Variants in ARID1B observed in about 807,000 individuals in gnomAD.
The protein encoded by ARID1B is AT-rich interactive domain-containing protein 1B.
ARID1B carries 30 observed loss-of-function variants against 212.3 expected under a neutral mutation model. The ratio of observed to expected loss-of-function variants is 0.14; its 90% CI spans 0.11 to 0.19. The LOEUF is 0.19. Ranked by LOEUF, ARID1B falls within the 10% of genes least tolerant of loss-of-function variation. The pLI is 1.00. For missense variants in ARID1B, 2,891 were observed against 3,204.0 expected (o/e 0.90, Z 2.36); for synonymous variants, 1,402 against 1,301.7 (o/e 1.08, Z -1.66).
chr6:157,093,911 G>A (rs749466635), intron 5 of ARID1B, among the ~76,000 whole-genome samples: 11 of 152,208 alleles, frequency 7.2e-5, no homozygotes, highest in South Asian at 2.1e-4. Flanking sequence ...TGCTGCAGGC[G>A]TAGTAAGTGG....
chr6:157,151,072 A>C (rs1790163939), intron 8 of ARID1B: 1 of 155,294 alleles, frequency 6.4e-6, no homozygotes, highest in Non-Finnish European at 1.4e-5. Flanking sequence ...GTTCGGTGGA[A>C]ACCCGCATGC....
At chr6:156,859,259 G>C (rs2128124668) in intron 2 of ARID1B, among the ~76,000 whole-genome samples, 1 of 152,192 alleles carries the variant, frequency 6.6e-6, no homozygotes, top group South Asian at 2.1e-4. Context: ...GGCTACAGGT[G>C]CCCGCCACCA....
chr6:157,028,183 A>G (rs929426404), intron 4 of ARID1B, among the ~76,000 whole-genome samples: 4 of 152,182 alleles, frequency 2.6e-5, no homozygotes, highest in South Asian at 4.1e-4. Context: ...ATGACTAAAC[A>G]TTATCTCACT....
At chr6:157,119,486 C>A (rs1181610300) in intron 6 of ARID1B, 1 of 152,838 alleles carries the variant, frequency 6.5e-6, no homozygotes, top group African/African-American at 2.4e-5. Context: ...CTCTTGGGAT[C>A]TTTATATAAA....
intron 8 of ARID1B, among the ~76,000 whole-genome samples, chr6:157,154,031 A>G (rs1309800202): frequency 2.6e-5 from 4 of 152,214 alleles, no homozygotes; most frequent in African/African-American, 4.8e-5. Context: ...CATTCATTCC[A>G]TGTGTCTTAC....
At chr6:156,877,291 C>T (rs1019145439) in intron 2 of ARID1B, among the ~76,000 whole-genome samples, 1 of 152,142 alleles carries the variant, frequency 6.6e-6, no homozygotes, top group African/African-American at 2.4e-5. Flanking sequence ...TTCCTGTTCA[C>T]CCCTATTGCT....
At chr6:156,920,503 C>T (rs960398577) in intron 3 of ARID1B, among the ~76,000 whole-genome samples, 6 of 152,090 alleles carry the variant, frequency 3.9e-5, no homozygotes, top group African/African-American at 1.4e-4. Context: ...GTTCTTTCTT[C>T]ATCAGTTTCT....
At chr6:157,049,157 A>G (rs1782426416) in intron 4 of ARID1B, among the ~76,000 whole-genome samples, 1 of 144,350 alleles carries the variant, frequency 6.9e-6, no homozygotes, top group Non-Finnish European at 1.5e-5. Flanking sequence ...TGGGTGACAG[A>G]GCAAGACTCA....
At chr6:157,022,730 G>A (rs1323357006) in intron 4 of ARID1B, 2 of 149,136 alleles carry the variant, frequency 1.3e-5, no homozygotes, top group South Asian at 2.2e-4. Flanking sequence ...TTGTTCTCTT[G>A]TTGATAATTC....
At chr6:156,817,709 A>G (rs1039193906) in intron 1 of ARID1B, among the ~76,000 whole-genome samples, 1 of 152,212 alleles carries the variant, frequency 6.6e-6, no homozygotes, top group East Asian at 1.9e-4. Flanking sequence ...AGAATAGTGC[A>G]GAGAAGTCCC....
chr6:156,935,780 G>A, intron 4 of ARID1B: 1 of 496,940 alleles, frequency 2.0e-6, no homozygotes, highest in Non-Finnish European at 3.6e-6. Flanking sequence ...ATATATCTCT[G>A]TTGCAGAGTG....
chr6:157,174,968 T>G lies in ARID1B; in HGVS notation c.3467T>G (p.Ile1156Ser). The change falls in exon 11 of 20, where the codon ATT (isoleucine) becomes AGT (serine). Residue 1156 changes from isoleucine (I) to serine (S), a missense_variant. Ile to Ser is a moderately radical substitution (Grantham distance 142). This residue lies in a region of ARID1B where 666 missense variants were observed against 873.5 expected (regional missense o/e 0.76). Coordinates refer to ENST00000636930, the MANE Select transcript of ARID1B (RefSeq NM_001374828.1). ...SSFHGDESDS[I>S]SSPGWPKTPS... ...TTTCATGGAGATGAAAGTGATAGCA[T>G]TAGCAGCCCAGGCTGGCCAAAGACT... 6.5e-7 allele frequency: 1 copy of G among 1,527,850 alleles called. No homozygotes were observed. Among genetic ancestry groups the G allele is most frequent in the Non-Finnish European group, 8.8e-7 (1 of 1,135,396 alleles). The allele number at this position is 1,527,850 out of a possible 1,614,324, so 94.6% of individuals were successfully genotyped here. A position where few individuals can be genotyped will look rare whatever the true frequency, so the allele number is the denominator to read the frequency against.
intron 4 of ARID1B, among the ~76,000 whole-genome samples, chr6:156,984,417 GA>G (rs1202889216): frequency 6.6e-6 from 1 of 152,008 alleles, no homozygotes; most frequent in East Asian, 1.9e-4. Flanking sequence ...AGAATACTGG[GA>G]AAAAAAGGGC....
At chr6:157,000,321 G>A (rs1383522232) in intron 4 of ARID1B, among the ~76,000 whole-genome samples, 7 of 152,172 alleles carry the variant, frequency 4.6e-5, no homozygotes, top group Non-Finnish European at 8.8e-5. Flanking sequence ...GTGAACCAGA[G>A]GGAAGTAGGC....
chr6:157,010,070 A>G (rs1302221813), intron 4 of ARID1B, among the ~76,000 whole-genome samples: 2 of 152,220 alleles, frequency 1.3e-5, no homozygotes, highest in East Asian at 3.8e-4. Context: ...CTAAAACTAA[A>G]TATTGTGAAC....
chr6:157,184,504 GT>G, intron 13 of ARID1B, 69 bp downstream of exon 13: 2 of 1,579,334 alleles, frequency 1.3e-6, no homozygotes, highest in Non-Finnish European at 8.7e-7. Context: ...TTCCGGGAAG[GT>G]GGTTTCACAG....
At chr6:156,853,597 T>C (rs1784721590) in intron 2 of ARID1B, among the ~76,000 whole-genome samples, 1 of 152,084 alleles carries the variant, frequency 6.6e-6, no homozygotes, top group African/African-American at 2.4e-5. Flanking sequence ...ACAGCTTCTC[T>C]TGTTCTCTGT....
At chr6:157,056,482 C>T (rs866668147) in intron 4 of ARID1B, among the ~76,000 whole-genome samples, 1 of 152,206 alleles carries the variant, frequency 6.6e-6, no homozygotes, top group African/African-American at 2.4e-5. Flanking sequence ...TAAGTAATTT[C>T]TTACTACAGG....
intron 2 of ARID1B, among the ~76,000 whole-genome samples, chr6:156,889,063 C>G (rs1264045442): frequency 2.0e-5 from 3 of 152,058 alleles, no homozygotes; most frequent in Admixed American, 2.0e-4. Context: ...GTGAGTTTTT[C>G]ACTGCTGTGA....
Sources: allele counts gnomAD v4.1 joint callset (sites outside exome capture counted in the v4.1 genomes callset), GRCh38; gene constraint gnomAD v4.1.1; regional missense constraint gnomAD v4.1.1; transcripts MANE v1.5; gene names NCBI Gene and HGNC (gene_info 2026-07-23, HGNC 2026-07-21).